CAMTA1: variants seen among roughly 807,000 people sequenced by gnomAD.
CAMTA1 encodes calmodulin-binding transcription activator 1.
Under a neutral mutation model 170.9 loss-of-function variants are expected in CAMTA1, and 27 were observed. The observed-to-expected ratio is 0.16, with a 90% CI of 0.12 to 0.22. The LOEUF is 0.22. CAMTA1 is among the 10% of genes least tolerant of loss of function. CAMTA1 has a pLI of 1.00. For missense variants in CAMTA1, 1,619 were observed against 2,217.2 expected, an observed-to-expected ratio of 0.73 and a Z score of 5.42; for synonymous variants, 833 against 891.5, an observed-to-expected ratio of 0.93 and a Z score of 1.17.
intron 6 of CAMTA1, among the ~76,000 whole-genome samples, chr1:7,573,384 C>T (rs563986387): frequency 7.0e-4 from 107 of 152,346 alleles, no homozygotes; most frequent in African/African-American, 2.4e-3. Context: ...TTTGCCTGTG[C>T]TCAGCGGGGC....
intron 5 of CAMTA1, among the ~76,000 whole-genome samples, chr1:7,276,303 A>ATATATATATATATTTTTTTTTTT: frequency 2.1e-4 from 5 of 24,228 alleles, no homozygotes; most frequent in African/African-American, 5.9e-4. Context: ...ATATATATAT[A>ATATATATATATATTTTTTTTTTT]TTTTTTTTTT....
intron 11 of CAMTA1, chr1:7,693,835 C>G (rs905114950): frequency 3.9e-5 from 6 of 152,318 alleles, no homozygotes; most frequent in African/African-American, 1.2e-4. Context: ...CCCTCTCCAG[C>G]TCCTCCAGAG....
chr1:7,703,033 G>C (rs1160365136), intron 11 of CAMTA1, among the ~76,000 whole-genome samples: 2 of 152,124 alleles, frequency 1.3e-5, no homozygotes, highest in African/African-American at 4.8e-5. Context: ...AACCCAGGGG[G>C]GTTGGTTTCC....
intron 3 of CAMTA1, among the ~76,000 whole-genome samples, chr1:6,880,039 TTTTA>T (rs1195282118): frequency 6.6e-6 from 1 of 151,926 alleles, no homozygotes. Flanking sequence ...ATGGTAGGCT[TTTTA>T]TTTCTCTTTC....
At chr1:7,351,390 C>A (rs1056225101) in intron 5 of CAMTA1, among the ~76,000 whole-genome samples, 1 of 152,232 alleles carries the variant, frequency 6.6e-6, no homozygotes, top group Non-Finnish European at 1.5e-5. Flanking sequence ...ACATGCAGAT[C>A]GGGCAGGTGA....
intron 5 of CAMTA1, among the ~76,000 whole-genome samples, chr1:7,302,378 C>G (rs1452067533): frequency 6.6e-6 from 1 of 152,158 alleles, no homozygotes; most frequent in Non-Finnish European, 1.5e-5. Context: ...GTCATAAAGC[C>G]CCCAGCCCAT....
chr1:7,283,776 A>T (rs1025665168), intron 5 of CAMTA1, among the ~76,000 whole-genome samples: 4 of 151,882 alleles, frequency 2.6e-5, no homozygotes, highest in Admixed American at 1.3e-4. Flanking sequence ...TCCTCTATCC[A>T]TCTCCTTGGT....
rs118028078 is a variant in CAMTA1, at chr1:7,338,250, G to C, written c.438+88624G>C. Among the ~76,000 whole-genome samples, 964 of 152,164 alleles carry C rather than the reference G, an allele frequency of 6.3e-3. 19 individuals are homozygous for C. The highest frequency in any genetic ancestry group is 0.039 in the Admixed American group (598 of 15,286). On this transcript the variant is annotated intron_variant, in intron 5 of 22. Coordinates refer to ENST00000303635, the MANE Select transcript of CAMTA1 (RefSeq NM_015215.4). ...CCAGAAAGAAGGATGCAGAAGAAGA[G>C]AGTGCACCCCCTTCCACAGAAACAA... is the stretch of plus-strand genomic sequence containing the variant.
chr1:7,024,611 G>T (rs991474205), intron 3 of CAMTA1, among the ~76,000 whole-genome samples: 1 of 152,138 alleles, frequency 6.6e-6, no homozygotes, highest in Non-Finnish European at 1.5e-5. Context: ...TGAAGTTATT[G>T]TTCACCCGAT....
At chr1:7,314,707 G>A (rs1677225459) in intron 5 of CAMTA1, among the ~76,000 whole-genome samples, 1 of 152,144 alleles carries the variant, frequency 6.6e-6, no homozygotes, top group Non-Finnish European at 1.5e-5. Flanking sequence ...TCACAATTGA[G>A]GTGGCTGATT....
At chr1:7,442,326 A>G (rs953734511) in intron 5 of CAMTA1, among the ~76,000 whole-genome samples, 2 of 152,218 alleles carry the variant, frequency 1.3e-5, no homozygotes, top group African/African-American at 4.8e-5. Flanking sequence ...CTGAATCACA[A>G]GTAGGTGCCT....
intron 4 of CAMTA1, among the ~76,000 whole-genome samples, chr1:7,207,458 A>G (rs1272532435): frequency 6.6e-6 from 1 of 152,236 alleles, no homozygotes; most frequent in African/African-American, 2.4e-5. Flanking sequence ...CTTGTTTTAA[A>G]AAGCTGAATT....
In CAMTA1 at chr1:7,510,293, G is replaced by T. The variant is rs755468147; in HGVS notation, c.510+42392G>T. Among the ~76,000 whole-genome samples the T allele has an allele frequency of 4.1e-5, 6 of 144,894 alleles. 2 individuals carry two copies. Among genetic ancestry groups the T allele is most frequent in the Non-Finnish European group, 9.3e-5 (6 of 64,628 alleles). On this transcript the variant is annotated intron_variant, in intron 6 of 22. Coordinates refer to ENST00000303635, the MANE Select transcript of CAMTA1 (RefSeq NM_015215.4). ...CCTGGGCCCCACCCCCGGGAATTCT[G>T]GGTGCCCCACTCTGGGGTAGAGCCC...
At chr1:7,187,531 G>A (rs1178981361) in intron 4 of CAMTA1, among the ~76,000 whole-genome samples, 6 of 152,052 alleles carry the variant, frequency 3.9e-5, no homozygotes, top group Non-Finnish European at 8.8e-5. Context: ...AAACAGCTGG[G>A]AACTTAAGCA....
intron 4 of CAMTA1, among the ~76,000 whole-genome samples, chr1:7,152,636 C>T (rs1229688888): frequency 6.6e-6 from 1 of 152,208 alleles, no homozygotes; most frequent in African/African-American, 2.4e-5. Flanking sequence ...GGGGAGGGTG[C>T]GCATTGCTCG....
At chr1:6,960,448 C>T (rs1690185517) in intron 3 of CAMTA1, among the ~76,000 whole-genome samples, 1 of 152,094 alleles carries the variant, frequency 6.6e-6, no homozygotes, top group African/African-American at 2.4e-5. Flanking sequence ...CTCCCGGTGG[C>T]TGGATTGATT....
chr1:7,503,964 G>A (rs2094054244), intron 6 of CAMTA1, among the ~76,000 whole-genome samples: 2 of 152,194 alleles, frequency 1.3e-5, no homozygotes, highest in African/African-American at 4.8e-5. Flanking sequence ...GTCAGGAGCT[G>A]GGGGCCTCAG....
At chr1:7,016,317 T>C (rs1700531886) in intron 3 of CAMTA1, among the ~76,000 whole-genome samples, 2 of 152,190 alleles carry the variant, frequency 1.3e-5, no homozygotes, top group African/African-American at 4.8e-5. Flanking sequence ...TTTTGCCTCA[T>C]TGTGTGCATG....
At chr1:7,582,040 C>A (rs796993585) in intron 6 of CAMTA1, among the ~76,000 whole-genome samples, 9 of 152,290 alleles carry the variant, frequency 5.9e-5, no homozygotes, top group African/African-American at 2.2e-4. Context: ...GGGATACGTT[C>A]CCCTGGAGGA....
Sources: gnomAD v4.1 joint callset for allele counts (sites outside exome capture counted in the v4.1 genomes callset) on GRCh38, gnomAD v4.1.1 for gene constraint, MANE v1.5 for transcripts, NCBI Gene and HGNC (gene_info 2026-07-23, HGNC 2026-07-21) for gene names.